Variants in ARHGAP20 observed in about 807,000 individuals in gnomAD.
ARHGAP20 encodes Rho GTPase activating protein 20, also known as rho GTPase-activating protein 20.
A neutral mutation model predicts 73.7 loss-of-function variants in ARHGAP20; 34 were observed. The ratio of observed to expected loss-of-function variants is 0.46; its 90% confidence interval spans 0.35 to 0.61. The LOEUF is 0.61. ARHGAP20 is among the 20% of genes least tolerant of loss of function. The probability of loss-of-function intolerance (pLI) is 0.00; values close to 1 mark genes in which losing one functional copy is unlikely to be tolerated. For synonymous variants in ARHGAP20, 523 were observed against 518.2 expected, an observed-to-expected ratio of 1.01 and a Z score of -0.13; for missense variants, 1,314 against 1,420.9, an observed-to-expected ratio of 0.92 and a Z score of 1.21.
intron 2 of ARHGAP20, among the ~76,000 whole-genome samples, chr11:110,674,758 C>CCTCAAAA (rs1565471557): frequency 1.3e-5 from 2 of 152,074 alleles, no homozygotes; most frequent in African/African-American, 4.8e-5. Flanking sequence ...TTGTTCTACA[C>CCTCAAAA]CTCAAAACTC....
chr11:110,701,613 T>C (rs1371348728), intron 1 of ARHGAP20, among the ~76,000 whole-genome samples: 1 of 152,090 alleles, frequency 6.6e-6, no homozygotes, highest in Non-Finnish European at 1.5e-5. Context: ...AATTTTGGCT[T>C]TTGTTGCCAT....
chr11:110,581,062 G>A lies in ARHGAP20; in HGVS notation c.1884C>T (p.Pro628=), dbSNP rs542184320. 3.6e-5 allele frequency: 58 copies of A among 1,614,108 alleles called. No individual in the cohort carries two copies. Among genetic ancestry groups the A allele is most frequent in the South Asian group, 3.3e-4 (30 of 91,078 alleles). Residue 628 remains proline (P), a synonymous_variant, in exon 15 of 15, where the codon CCC becomes CCT. Coordinates refer to ENST00000683387, the MANE Select transcript of ARHGAP20 (RefSeq NM_001384657.1). ...TTAGGGTTAAAAGGCCTTCCACCTCGGGCTGGTCAAGATCATAGTCACTGA... is the reference window on the plus strand; with the variant it reads ...TTAGGGTTAAAAGGCCTTCCACCTCAGGCTGGTCAAGATCATAGTCACTGA... ...LTLSDYDLDQ[P]EVEGLLTLSD...
intron 2 of ARHGAP20, among the ~76,000 whole-genome samples, chr11:110,685,052 T>C (rs1447549759): frequency 6.6e-6 from 1 of 151,978 alleles, no homozygotes; most frequent in Admixed American, 6.6e-5. Context: ...CCCCTGAATC[T>C]AAAATTTAAA....
chr11:110,601,660 A>C (rs1301434936), intron 9 of ARHGAP20, among the ~76,000 whole-genome samples: 3 of 152,200 alleles, frequency 2.0e-5, no homozygotes, highest in Non-Finnish European at 4.4e-5. Flanking sequence ...CAAAAGAATA[A>C]TATGTAATAA....
intron 6 of ARHGAP20, among the ~76,000 whole-genome samples, chr11:110,612,495 T>C (rs1948392607): frequency 6.6e-6 from 1 of 151,452 alleles, no homozygotes; most frequent in African/African-American, 2.4e-5. Flanking sequence ...TCTATAGAGA[T>C]CGCTGAATTC....
intron 2 of ARHGAP20, among the ~76,000 whole-genome samples, chr11:110,650,547 T>C (rs1206818054): frequency 2.6e-5 from 4 of 152,128 alleles, no homozygotes; most frequent in African/African-American, 9.7e-5. Context: ...TATCTGCTTA[T>C]CTGCTCCCAT....
intron 1 of ARHGAP20, among the ~76,000 whole-genome samples, chr11:110,695,086 G>A (rs1331529197): frequency 6.6e-6 from 1 of 151,598 alleles, no homozygotes; most frequent in Non-Finnish European, 1.5e-5. Context: ...ACATCTGCCT[G>A]ACAATAAAGT....
At position 110,591,897 on chromosome 11, in the gene ARHGAP20, T is replaced by G. The variant is rs575681359; in HGVS notation, c.1143+80A>C. On this transcript the variant is annotated intron_variant, in intron 10 of 14. Coordinates refer to ENST00000683387, the MANE Select transcript of ARHGAP20 (RefSeq NM_001384657.1). ...ACAGTGGTGTCTATAATTTTTCCAT[T>G]TGGGGACAGATTTACCTCGCAGAGC... The G allele has an allele frequency of 5.5e-6, 8 of 1,441,840 alleles. No homozygotes were observed. In the African/African-American group the frequency reaches 1.1e-4, roughly 20 times the overall value. The allele number at this position is 1,441,840 out of a possible 1,614,324, so 89.3% of individuals were successfully genotyped here. A position where few individuals can be genotyped will look rare whatever the true frequency, so the allele number is the denominator to read the frequency against.
At chr11:110,607,001 T>G (rs1165166494) in intron 8 of ARHGAP20, among the ~76,000 whole-genome samples, 2 of 152,150 alleles carry the variant, frequency 1.3e-5, no homozygotes, top group Non-Finnish European at 2.9e-5. Context: ...TTGGAATGAA[T>G]GCACAGATCA....
At position 110,620,799 on chromosome 11, in the gene ARHGAP20, C is replaced by T. The variant is rs1406460544; in HGVS notation, c.503+3363G>A. ...AATGTATTCCATTGTCAGCTGGGCG[C>T]GGTGGCTCATGTCCGTAATCCCAGC... On this transcript the variant is annotated intron_variant, in intron 4 of 14. Transcript: ENST00000683387. Among the ~76,000 whole-genome samples, 6 of 152,192 alleles carry T rather than the reference C, an allele frequency of 3.9e-5. No individual in the cohort carries two copies. In the South Asian group the frequency reaches 6.2e-4, roughly 16 times the overall value.
rs747625407 is a variant in ARHGAP20 at position 110,579,417 on chromosome 11, T to C, written c.3529A>G (p.Thr1177Ala). 21 of 1,612,414 alleles carry C rather than the reference T, an allele frequency of 1.3e-5. No homozygotes were observed. Among genetic ancestry groups the C allele is most frequent in the Non-Finnish European group, 5.9e-6 (7 of 1,178,628 alleles). Residue 1177 changes from threonine to alanine, a missense_variant, in exon 15 of 15, where the codon ACA (threonine) becomes GCA (alanine). This residue lies in a region of ARHGAP20 where 641 missense variants were observed against 636.9 expected (regional missense o/e 1.01). Transcript: ENST00000683387. ...CTGTCCTCAATGTCGCAGACCACTG[T>C]AGGCCCTGAGTCTGGGCTGGTCGCA... ...EDATSPDSGP[T>A]VVCDIEDRYL...
intron 2 of ARHGAP20, among the ~76,000 whole-genome samples, chr11:110,684,882 C>T (rs1289614906): frequency 7.7e-6 from 1 of 129,474 alleles, no homozygotes; most frequent in Non-Finnish European, 1.6e-5. Flanking sequence ...GGGACAGAAA[C>T]ATGAAAACAA....
rs181252235 is a variant in ARHGAP20, at chr11:110,706,362, T to A, written c.105+5765A>T. On this transcript the variant is annotated intron_variant, in intron 1 of 14. Transcript: ENST00000683387. Reference sequence around the variant, plus strand: ...GGAAAAAATTAACACCTACCTCATATAATTGATGTGTTTTGAATATAGTTC... The same window carrying A: ...GGAAAAAATTAACACCTACCTCATAAAATTGATGTGTTTTGAATATAGTTC... 2.1e-3 allele frequency among the ~76,000 whole-genome samples: 326 copies of A among 152,288 alleles called. 1 individual carries two copies. The highest frequency in any genetic ancestry group is 7.3e-3 in the African/African-American group (303 of 41,580).
rs929090978 is a variant in ARHGAP20, at chr11:110,583,747, G to GA, written c.1416-11dup. ...AAGCTGGTCTAATAGCCTAAAGACA[G>GA]AAAAATTACTCTTTAAGCAAGACAT... On this transcript the variant is annotated splice_polypyrimidine_tract_variant and intron_variant, in intron 12 of 14. Coordinates refer to ENST00000683387, the MANE Select transcript of ARHGAP20 (RefSeq NM_001384657.1). 4 of 1,531,492 alleles carry GA rather than the reference G, an allele frequency of 2.6e-6. No homozygotes were observed. In the African/African-American group the frequency reaches 5.6e-5, roughly 21 times the overall value. 94.9% of individuals were successfully genotyped at this position (1,531,492 alleles called of 1,614,324 possible). A position where few individuals can be genotyped will look rare whatever the true frequency, so the allele number is the denominator to read the frequency against.
At chr11:110,695,255 T>C (rs181674971) in intron 1 of ARHGAP20, among the ~76,000 whole-genome samples, 4 of 151,642 alleles carry the variant, frequency 2.6e-5, no homozygotes, top group Admixed American at 6.6e-5. Context: ...AACACAGGCA[T>C]AATTTTGTCA....
At chr11:110,697,079 T>C (rs1387753704) in intron 1 of ARHGAP20, among the ~76,000 whole-genome samples, 1 of 151,678 alleles carries the variant, frequency 6.6e-6, no homozygotes, top group Non-Finnish European at 1.5e-5. Context: ...TATAACATAA[T>C]GATTTCTTTT....
At chr11:110,667,552 A>G (rs1265787114) in intron 2 of ARHGAP20, among the ~76,000 whole-genome samples, 1 of 152,196 alleles carries the variant, frequency 6.6e-6, no homozygotes, top group Admixed American at 6.5e-5. Flanking sequence ...GGTTGTTTTC[A>G]TGCTGGCTAA....
upstream of ARHGAP20, chr11:110,713,055 C>T (rs1950706028): frequency 6.6e-6 from 1 of 152,322 alleles, no homozygotes. Flanking sequence ...TCAGCGGCCC[C>T]TGCACATTTG....
At position 110,655,835 on chromosome 11, in the gene ARHGAP20, T is replaced by C. The variant is rs141881287; in HGVS notation, c.189-25043A>G. Among the ~76,000 whole-genome samples the C allele has an allele frequency of 5.9e-5, 9 of 152,294 alleles. No individual in the cohort carries two copies. The East Asian group carries it at 1.5e-3, about 26-fold the overall frequency. On this transcript the variant is annotated intron_variant, in intron 2 of 14. Coordinates refer to ENST00000683387, the MANE Select transcript of ARHGAP20 (RefSeq NM_001384657.1). ...CCTAAGGCTATGTGATTGTCTCTAT[T>C]TCCCTTAGGGCCAGGCATTTCTCTG...
Sources: gnomAD v4.1 joint callset for allele counts (sites outside exome capture counted in the v4.1 genomes callset) on GRCh38, gnomAD v4.1.1 for gene constraint, gnomAD v4.1.1 regional missense constraint, MANE v1.5 for transcripts, NCBI Gene and HGNC (gene_info 2026-07-23, HGNC 2026-07-21) for gene names.